MTMR14: variants seen among roughly 807,000 people sequenced by gnomAD.
MTMR14 encodes myotubularin related protein 14.
In MTMR14, 48 loss-of-function variants were observed where a neutral mutation model predicts 86.3. The observed-to-expected ratio is 0.56, with a 90% CI of 0.44 to 0.71. The LOEUF is 0.71. Ranked by LOEUF, MTMR14 falls within the 30% of genes least tolerant of loss-of-function variation. MTMR14 has a pLI of 0.00. For missense variants in MTMR14, 780 were observed against 834.6 expected (o/e 0.93, Z 0.81); for synonymous variants, 366 against 326.1 (o/e 1.12, Z -1.32).
At position 9,701,964 on chromosome 3, in the gene MTMR14, T is replaced by C. The variant is rs1035696372; in HGVS notation, c.1944T>C (p.Asn648=). The C allele has an allele frequency of 1.9e-6, 3 of 1,614,040 alleles. No individual in the cohort carries two copies. Among genetic ancestry groups the C allele is most frequent in the African/African-American group, 2.7e-5 (2 of 74,946 alleles). ...TTGGACTCCGGAGCATCAGCAGCAA[T>C]GCCTTGTGAAGAAGCCAGCCCATGA... ...RGVGLRSISS[N]AL Residue 648 remains asparagine (N), a synonymous_variant, in exon 19 of 19, where the codon AAT becomes AAC. Transcript: ENST00000296003. This position sits in a 1 kb window ranked among gnomAD's most constrained non-coding sequence, Gnocchi z 4.2.
At chr3:9,669,034 G>A (rs1559577561) in intron 4 of MTMR14, among the ~76,000 whole-genome samples, 1 of 152,018 alleles carries the variant, frequency 6.6e-6, no homozygotes, top group Admixed American at 6.5e-5. Context: ...CAGCTACTCA[G>A]GAGGCTGAGG....
At chr3:9,674,517 GTGGCT>G (rs2048747232) in intron 7 of MTMR14, among the ~76,000 whole-genome samples, 1 of 152,224 alleles carries the variant, frequency 6.6e-6, no homozygotes, top group African/African-American at 2.4e-5. Context: ...GCTGGGCATG[GTGGCT>G]CACGCCTTTA....
rs1177595689 is a variant in MTMR14, at chr3:9,677,954, C to T, written c.823-30C>T. ...CCTAAGCCTCCTCTGGTGGCCAACC[C>T]ACATCTCACAGGAGTCTTTCTGTCC... On this transcript the variant is annotated intron_variant, in intron 8 of 18. Transcript: ENST00000296003. This position sits in a 1 kb window ranked among gnomAD's most constrained non-coding sequence, Gnocchi z 4.2. 2 of 1,611,148 alleles carry T rather than the reference C, an allele frequency of 1.2e-6. No individual in the cohort carries two copies. Among genetic ancestry groups the T allele is most frequent in the Admixed American group, 1.7e-5 (1 of 59,904 alleles).
chr3:9,667,222 A>G (rs1007027056), intron 3 of MTMR14, among the ~76,000 whole-genome samples: 7 of 152,222 alleles, frequency 4.6e-5, no homozygotes, highest in African/African-American at 1.7e-4. Context: ...AGTGGATATG[A>G]TACAAATGCC....
At position 9,690,084 on chromosome 3, in the gene MTMR14, AAACCATTCTGAT is replaced by A. The variant is rs1159994854; in HGVS notation, c.1558_1569del (p.His520_Asn523del). 1 of 1,613,624 alleles carries A rather than the reference AAACCATTCTGAT, an allele frequency of 6.2e-7. No individual in the cohort carries two copies. The highest frequency in any genetic ancestry group is 1.1e-5 in the South Asian group (1 of 91,042). The stretch of plus-strand genomic sequence containing the variant: ...CCAGGTCTTCCAGCTCCTCTTCCTC[AAACCATTCTGAT>A]AACTTTTTCAGGATGGGTAGCAGTC... On this transcript the variant is annotated inframe_deletion, in exon 17 of 19. Coordinates refer to ENST00000296003, the MANE Select transcript of MTMR14 (RefSeq NM_001077525.3).
At chr3:9,697,640 G>A (rs2076321684) in intron 17 of MTMR14, 71 bp from the exon 18 acceptor site, 1 of 1,561,328 alleles carries the variant, frequency 6.4e-7, no homozygotes, top group Admixed American at 1.7e-5. Flanking sequence ...TAGTCCCCTA[G>A]CCCCCTCCAG....
intron 4 of MTMR14, 78 bp downstream of exon 4, chr3:9,668,872 C>G (rs2048406745): frequency 6.9e-7 from 1 of 1,444,466 alleles, no homozygotes. Flanking sequence ...GGGCGCCATG[C>G]CTCACGCCTG....
intron 13 of MTMR14, among the ~76,000 whole-genome samples, chr3:9,686,969 A>G (rs2075979753): frequency 1.3e-5 from 2 of 152,118 alleles, no homozygotes; most frequent in South Asian, 4.1e-4. Context: ...TTAAGACCTG[A>G]CCCTCACAGC....
chr3:9,657,838 C>G (rs1207955801), intron 2 of MTMR14, among the ~76,000 whole-genome samples: 1 of 152,084 alleles, frequency 6.6e-6, no homozygotes, highest in Non-Finnish European at 1.5e-5. Context: ...TATGAGCCAC[C>G]GCGCCTGGCC....
chr3:9,653,415 G>T (rs1007710716), intron 1 of MTMR14, among the ~76,000 whole-genome samples: 14 of 146,394 alleles, frequency 9.6e-5, no homozygotes, highest in Admixed American at 8.0e-4. Flanking sequence ...ATTGTTAGGG[G>T]TTTAAGAATC....
At chr3:9,669,365 TGAG>T (rs2048441732) in intron 4 of MTMR14, 64 bp from the exon 5 acceptor site, 3 of 1,543,062 alleles carry the variant, frequency 1.9e-6, no homozygotes, top group East Asian at 2.3e-5. Context: ...AGGAGGCTGG[TGAG>T]GAGGCCCCTG....
chr3:9,681,167 CTGAA>C (rs767479874), intron 9 of MTMR14, among the ~76,000 whole-genome samples: 18 of 152,302 alleles, frequency 1.2e-4, no homozygotes, highest in South Asian at 2.1e-4. Flanking sequence ...GTGAGGCTTA[CTGAA>C]TGAATGAATG....
rs9880613 is a variant in MTMR14, at chr3:9,671,060, G to T, written c.567G>T (p.Thr189=). The change falls in exon 6 of 19, where the codon ACG becomes ACT. Residue 189 remains threonine, a synonymous_variant. Transcript: ENST00000296003. Reference sequence around the variant, plus strand: ...CTCTTTATTTCAGAAGTGGTGACACGCATCTTTTTGATAAGGTCAGAGGCT... The same window carrying T: ...CTCTTTATTTCAGAAGTGGTGACACTCATCTTTTTGATAAGGTCAGAGGCT... ...EEDCALRSGD[T]HLFDKVRGYD... is the part of the protein sequence containing the mutation. The T allele has an allele frequency of 2.5e-6, 4 of 1,613,960 alleles. No homozygotes were observed. The African/African-American group carries it at 4.0e-5, about 16-fold the overall frequency.
At chr3:9,700,102 G>C (rs1284418671) in intron 18 of MTMR14, 1 of 152,146 alleles carries the variant, frequency 6.6e-6, no homozygotes. Context: ...CTAGAGTCCT[G>C]TCTATCTCCC....
At chr3:9,649,846 C>G in intron 1 of MTMR14, 104 bp downstream of exon 1, 2 of 1,557,550 alleles carry the variant, frequency 1.3e-6, no homozygotes, top group Non-Finnish European at 1.7e-6. Context: ...GGTACCTCGC[C>G]GCTGAGGAAG....
At chr3:9,686,713 G>A (rs2075970217) in intron 13 of MTMR14, among the ~76,000 whole-genome samples, 1 of 152,216 alleles carries the variant, frequency 6.6e-6, no homozygotes, top group African/African-American at 2.4e-5. Context: ...CCTTGTGGGG[G>A]GCAGCTCCTT....
intron 7 of MTMR14, chr3:9,675,539 C>T (rs2075539132): frequency 2.2e-6 from 1 of 456,800 alleles, no homozygotes. Flanking sequence ...TCGTTTCTTT[C>T]AGCACACCAA....
At chr3:9,656,921 T>TTTTTTG (rs910522648) in intron 2 of MTMR14, among the ~76,000 whole-genome samples, 3 of 151,978 alleles carry the variant, frequency 2.0e-5, no homozygotes, top group Admixed American at 6.6e-5. Flanking sequence ...CAAGGTGGGT[T>TTTTTTG]TTTTTGTTTT....
intron 3 of MTMR14, among the ~76,000 whole-genome samples, chr3:9,667,340 T>G (rs1040777290): frequency 2.0e-4 from 31 of 152,184 alleles, no homozygotes; most frequent in Non-Finnish European, 4.0e-4. Flanking sequence ...ACTGACTTCT[T>G]AAAGCAAGGG....
Sources: allele counts gnomAD v4.1 joint callset (sites outside exome capture counted in the v4.1 genomes callset), GRCh38; gene constraint gnomAD v4.1.1; non-coding constraint Gnocchi (gnomAD v3.1); transcripts MANE v1.5; gene names NCBI Gene and HGNC (gene_info 2026-07-23, HGNC 2026-07-21).